PODXL2: variants seen among roughly 807,000 people sequenced by gnomAD.
PODXL2 encodes the protein podocalyxin-like protein 2.
Under a neutral mutation model 53.4 loss-of-function variants are expected in PODXL2, and 17 were observed. The observed-to-expected ratio is 0.32, with a 90% CI of 0.22 to 0.48. The LOEUF (loss-of-function observed/expected upper bound fraction) is 0.48. PODXL2 is among the 20% of genes least tolerant of loss of function. The probability of loss-of-function intolerance (pLI) is 0.99; values close to 1 mark genes in which losing one functional copy is unlikely to be tolerated. For synonymous variants in PODXL2, 311 were observed against 306.7 expected, an observed-to-expected ratio of 1.01 and a Z score of -0.15; for missense variants, 673 against 760.0, an observed-to-expected ratio of 0.89 and a Z score of 1.35.
intron 4 of PODXL2, among the ~76,000 whole-genome samples, chr3:127,667,745 C>T (rs1396721914): frequency 1.3e-5 from 2 of 152,210 alleles, no homozygotes; most frequent in South Asian, 4.1e-4. Flanking sequence ...AAAAGGTCTC[C>T]TCACACCCCT....
chr3:127,634,045 G>A (rs1225057761), intron 1 of PODXL2, among the ~76,000 whole-genome samples: 1 of 151,982 alleles, frequency 6.6e-6, no homozygotes, highest in African/African-American at 2.4e-5. Context: ...GAGGGGAGGG[G>A]AGGTAATGGT....
intron 1 of PODXL2, among the ~76,000 whole-genome samples, chr3:127,636,611 G>A (rs568340657): frequency 2.0e-5 from 3 of 152,342 alleles, no homozygotes; most frequent in South Asian, 4.1e-4. Flanking sequence ...CTTCAGCTTC[G>A]TGGAGCCAGG....
chr3:127,643,824 A>C (rs1342982308), intron 2 of PODXL2, among the ~76,000 whole-genome samples: 2 of 151,650 alleles, frequency 1.3e-5, no homozygotes, highest in African/African-American at 4.8e-5. Flanking sequence ...TTTTTTGTAG[A>C]GACAGGGTTT....
rs1394395170 is a variant in PODXL2, at chr3:127,660,397, A to G, written c.369A>G (p.Leu123=). 1 of 1,610,028 alleles carries G rather than the reference A, an allele frequency of 6.2e-7. No homozygotes were observed. Among genetic ancestry groups the G allele is most frequent in the South Asian group, 1.1e-5 (1 of 90,988 alleles). Residue 123 remains leucine (L), a synonymous_variant, in exon 3 of 8, where the codon TTA becomes TTG. Transcript: ENST00000342480. Reference sequence around the variant, plus strand: ...CCTTAGATTATGTTTTTCCTGACTTAACTGAGAAGGCAGGTTCCATTGAAG... The same window carrying G: ...CCTTAGATTATGTTTTTCCTGACTTGACTGAGAAGGCAGGTTCCATTGAAG... ...GPTADYVFPD[L]TEKAGSIEDT...
At chr3:127,638,150 C>T (rs2074590072) in intron 1 of PODXL2, among the ~76,000 whole-genome samples, 1 of 152,160 alleles carries the variant, frequency 6.6e-6, no homozygotes. Context: ...AGCAGCTTTC[C>T]AGGAGCCTCA....
chr3:127,640,408 G>C lies in PODXL2; in HGVS notation c.349+885G>C, dbSNP rs376810793. On this transcript the variant is annotated intron_variant, in intron 2 of 7. Transcript: ENST00000342480. ...CTGAAACACACAAAAATAATACAAA[G>C]AAGAAAATAAGGCTGGGTGTGGTGG... Among the ~76,000 whole-genome samples the C allele has an allele frequency of 1.8e-4, 28 of 152,228 alleles. No homozygotes were observed. In the South Asian group the frequency reaches 2.3e-3, roughly 12 times the overall value.
At chr3:127,653,004 T>G (rs1444257316) in intron 2 of PODXL2, among the ~76,000 whole-genome samples, 2 of 152,022 alleles carry the variant, frequency 1.3e-5, no homozygotes, top group East Asian at 3.9e-4. Context: ...TCCCCTCTCT[T>G]TACTCTCCTC....
intron 2 of PODXL2, among the ~76,000 whole-genome samples, chr3:127,653,802 A>C (rs899439203): frequency 6.6e-6 from 1 of 152,186 alleles, no homozygotes; most frequent in Non-Finnish European, 1.5e-5. Flanking sequence ...ACTTTGCCGC[A>C]GTTGCTGTAT....
intron 2 of PODXL2, among the ~76,000 whole-genome samples, chr3:127,657,457 G>A (rs1022009323): frequency 1.3e-5 from 2 of 152,206 alleles, no homozygotes; most frequent in East Asian, 3.9e-4. Context: ...GGCTACTCCC[G>A]CAGCTTCTCC....
At position 127,671,295 on chromosome 3, in the gene PODXL2, C is replaced by T. The variant is rs771287391; in HGVS notation, c.1426-139C>T. The T allele has an allele frequency of 3.7e-5, 27 of 738,384 alleles. 1 individual carries two copies. Among genetic ancestry groups the T allele is most frequent in the Non-Finnish European group, 4.2e-5 (19 of 447,882 alleles). The allele number at this position is 738,384 out of a possible 1,614,324, so 45.7% of individuals were successfully genotyped here. The stretch of plus-strand genomic sequence containing the variant: ...ATGGGGTAGAGGCAAGCCCAGGCGC[C>T]AGGGAACTTCAGGAGCCGGGAGTGC... On this transcript the variant is annotated intron_variant, in intron 6 of 7. Transcript: ENST00000342480.
chr3:127,656,919 TGG>T (rs2074728463), intron 2 of PODXL2, among the ~76,000 whole-genome samples: 1 of 151,716 alleles, frequency 6.6e-6, no homozygotes. Context: ...AGTGGCCCTG[TGG>T]TCCCAGCTGC....
chr3:127,658,096 G>A (rs1465482230), intron 2 of PODXL2, among the ~76,000 whole-genome samples: 7 of 152,186 alleles, frequency 4.6e-5, no homozygotes, highest in South Asian at 2.1e-4. Context: ...TCACTACAGA[G>A]TGTGTGCAGT....
chr3:127,672,191 T>A, intron 7 of PODXL2, 77 bp from the exon 8 acceptor site: 3 of 1,247,062 alleles, frequency 2.4e-6, no homozygotes, highest in South Asian at 1.3e-5. Flanking sequence ...CTGGGTGGGG[T>A]TGCACAGACG....
At chr3:127,640,217 GCAGGGCCCCATCT>G (rs1258634581) in intron 2 of PODXL2, among the ~76,000 whole-genome samples, 1 of 152,244 alleles carries the variant, frequency 6.6e-6, no homozygotes, top group Non-Finnish European at 1.5e-5. Context: ...TCCTGGGCCA[GCAGGGCCCCATCT>G]CTTAGTAGGG....
chr3:127,672,547 C>T lies in PODXL2; in HGVS notation c.*67C>T. The T allele has an allele frequency of 9.3e-7, 1 of 1,076,736 alleles. No individual in the cohort carries two copies. The highest frequency in any genetic ancestry group is 1.3e-6 in the Non-Finnish European group (1 of 790,896). 66.7% of individuals were successfully genotyped at this position (1,076,736 alleles called of 1,614,324 possible). On this transcript the variant is annotated 3_prime_UTR_variant, in exon 8 of 8. Transcript: ENST00000342480. Reference sequence around the variant, plus strand: ...CGAGGTGGACCCCGAAACGGACGGCCCGGAGCCCGCACCAGCCCCGCGCCT... The same window carrying T: ...CGAGGTGGACCCCGAAACGGACGGCTCGGAGCCCGCACCAGCCCCGCGCCT...
chr3:127,650,587 T>C (rs2074682132), intron 2 of PODXL2, among the ~76,000 whole-genome samples: 1 of 152,196 alleles, frequency 6.6e-6, no homozygotes, highest in African/African-American at 2.4e-5. Flanking sequence ...AATAGTTCAT[T>C]CAGCAAATAT....
chr3:127,639,212 TC>T, intron 1 of PODXL2, 32 bp from the exon 2 acceptor site: 1 of 1,549,394 alleles, frequency 6.5e-7, no homozygotes. Flanking sequence ...TTCTCTAGCC[TC>T]CCCTGACTGT....
chr3:127,654,582 C>T (rs932404285), intron 2 of PODXL2, among the ~76,000 whole-genome samples: 1 of 152,194 alleles, frequency 6.6e-6, no homozygotes, highest in African/African-American at 2.4e-5. Flanking sequence ...ATCATATTTA[C>T]ACTTGTCAAC....
At chr3:127,668,937 T>C (rs189951081) in intron 5 of PODXL2, among the ~76,000 whole-genome samples, 44 of 152,276 alleles carry the variant, frequency 2.9e-4, no homozygotes, top group Non-Finnish European at 4.7e-4. Context: ...GCTGGTGTTA[T>C]ACAAATCGAT....
Sources: gnomAD v4.1 joint callset for allele counts (sites outside exome capture counted in the v4.1 genomes callset) on GRCh38, gnomAD v4.1.1 for gene constraint, MANE v1.5 for transcripts, NCBI Gene and HGNC (gene_info 2026-07-23, HGNC 2026-07-21) for gene names.